MRPL21: variants seen among roughly 807,000 people sequenced by gnomAD.
The protein encoded by MRPL21 is large ribosomal subunit protein bL21m.
MRPL21 carries 20 observed loss-of-function variants against 27.3 expected under a neutral mutation model. That is an observed-to-expected ratio of 0.73 (90% CI 0.52 to 1.06). The LOEUF (loss-of-function observed/expected upper bound fraction) is 1.06. Among genes scored for constraint, MRPL21 ranks in the 50% least tolerant of loss-of-function variants. MRPL21 has a pLI of 0.00. For synonymous variants in MRPL21, 98 were observed against 101.5 expected, an observed-to-expected ratio of 0.97 and a Z score of 0.21; for missense variants, 249 against 251.4, an observed-to-expected ratio of 0.99 and a Z score of 0.06.
chr11:68,902,889 A>G (rs542964272), intron 1 of MRPL21, among the ~76,000 whole-genome samples: 1 of 152,006 alleles, frequency 6.6e-6, no homozygotes, highest in East Asian at 1.9e-4. Flanking sequence ...ATAGTGGGAA[A>G]CATACAAGAT....
Position 68,892,111 on chromosome 11 carries a change from C to T in MRPL21, c.554-716G>A, listed in dbSNP as rs148008898. On this transcript the variant is annotated intron_variant, in intron 6 of 6. Coordinates refer to ENST00000362034, the MANE Select transcript of MRPL21 (RefSeq NM_181514.2). Reference sequence around the variant, plus strand: ...ACGCGTGGAGGGTGGAGAAGGGGAGCGAGGTGGGTTCACGCGCGGAGGGTG... The same window carrying T: ...ACGCGTGGAGGGTGGAGAAGGGGAGTGAGGTGGGTTCACGCGCGGAGGGTG... 264 of 1,025,986 alleles carry T rather than the reference C, an allele frequency of 2.6e-4. 1 individual carries two copies. Among genetic ancestry groups the T allele is most frequent in the Non-Finnish European group, 2.9e-4 (247 of 857,636 alleles). 63.6% of individuals were successfully genotyped at this position (1,025,986 alleles called of 1,614,324 possible).
intron 1 of MRPL21, among the ~76,000 whole-genome samples, 185 bp from the exon 2 acceptor site, chr11:68,900,790 G>A (rs1022252851): frequency 2.0e-5 from 3 of 152,220 alleles, no homozygotes; most frequent in African/African-American, 7.2e-5. Flanking sequence ...CTGGTTATAT[G>A]TGTTGAGATC....
chr11:68,897,634 G>C, intron 3 of MRPL21: 1 of 470,594 alleles, frequency 2.1e-6, no homozygotes. Flanking sequence ...GCTAACTGGG[G>C]AGAGCTGTCG....
intron 2 of MRPL21, among the ~76,000 whole-genome samples, chr11:68,898,283 C>T (rs1857851764): frequency 6.6e-6 from 1 of 152,234 alleles, no homozygotes; most frequent in South Asian, 2.1e-4. Context: ...CTTCTCAGTG[C>T]TGGAAGGGTG....
intron 1 of MRPL21, among the ~76,000 whole-genome samples, chr11:68,902,583 C>T (rs1189727642): frequency 6.6e-6 from 1 of 152,226 alleles, no homozygotes; most frequent in Non-Finnish European, 1.5e-5. Flanking sequence ...GTGCCCACAG[C>T]TTCCTATCAA....
In MRPL21 at chr11:68,892,945, T is replaced by C. The variant is rs777896895; in HGVS notation, c.498A>G (p.Ser166=). 2 of 1,612,522 alleles carry C rather than the reference T, an allele frequency of 1.2e-6. No individual in the cohort carries two copies. The highest frequency in any genetic ancestry group is 1.7e-6 in the Non-Finnish European group (2 of 1,179,292). ...TGAATCTCATAATGATTCTTGGCCA[T>C]GATTCTGTCTTTTCAATGACTGTGG... is the stretch of plus-strand genomic sequence containing the variant. ...VEATVIEKTE[S]WPRIIMRFRK... Residue 166 remains serine, a synonymous_variant, in exon 6 of 7, where the codon TCA becomes TCG. Transcript: ENST00000362034.
chr11:68,903,613 A>G, intron 1 of MRPL21, 110 bp downstream of exon 1: 1 of 1,136,784 alleles, frequency 8.8e-7, no homozygotes, highest in Middle Eastern at 2.4e-4. Context: ...TTCACCACAA[A>G]TGCGATCAAC....
intron 3 of MRPL21, 88 bp downstream of exon 3, chr11:68,897,839 G>A (rs143387014): frequency 0.031 from 30,512 of 973,582 alleles, 698 homozygotes; most frequent in Middle Eastern, 0.05. Flanking sequence ...ATGAAGCCTC[G>A]TTCTGTGGCC....
rs113698409 is a variant in MRPL21, at chr11:68,892,762, G to A, written c.553+128C>T. On this transcript the variant is annotated intron_variant, in intron 6 of 6. Coordinates refer to ENST00000362034, the MANE Select transcript of MRPL21 (RefSeq NM_181514.2). The stretch of plus-strand genomic sequence containing the variant: ...CTAGGATGAGGGTGGCAAGTGGGCA[G>A]TGGCAGCCAGGTTGAGACCTGCCTG... 1.1e-4 allele frequency: 172 copies of A among 1,541,528 alleles called. 1 individual carries two copies. The African/African-American group carries it at 1.7e-3, about 15-fold the overall frequency.
intron 6 of MRPL21, chr11:68,892,018 G>A (rs1012363321): frequency 8.7e-7 from 1 of 1,148,754 alleles, no homozygotes; most frequent in Non-Finnish European, 1.2e-6. Flanking sequence ...ACAGTGCTAG[G>A]CGTCATGGGT....
rs1453501237 is a variant in MRPL21, at chr11:68,898,083, CCACA to C, written c.147-75_147-72del. 3 of 1,248,056 alleles carry C rather than the reference CCACA, an allele frequency of 2.4e-6. No individual in the cohort carries two copies. In the South Asian group the frequency reaches 3.7e-5, roughly 15 times the overall value. The allele number at this position is 1,248,056 out of a possible 1,614,324, so 77.3% of individuals were successfully genotyped here. A position where few individuals can be genotyped will look rare whatever the true frequency, so the allele number is the denominator to read the frequency against. ...GCAGCTCAAATCCTCTAAGAAATGG[CCACA>C]CACAAATGTTAGGAAGGGATCCCCG... On this transcript the variant is annotated intron_variant, in intron 2 of 6. Coordinates refer to ENST00000362034, the MANE Select transcript of MRPL21 (RefSeq NM_181514.2).
chr11:68,892,094 A>C, intron 6 of MRPL21: 1 of 1,225,374 alleles, frequency 8.2e-7, no homozygotes, highest in Non-Finnish European at 1.0e-6. Flanking sequence ...TCACGCGTGG[A>C]GGGTGGAGAA....
chr11:68,895,217 T>C (rs1162928043), intron 4 of MRPL21, among the ~76,000 whole-genome samples: 2 of 149,138 alleles, frequency 1.3e-5, no homozygotes, highest in East Asian at 2.0e-4. Context: ...TGAGCCGAGA[T>C]TGTGCCACTG....
intron 6 of MRPL21, chr11:68,892,138 A>G (rs1240784403): frequency 9.5e-7 from 1 of 1,049,140 alleles, no homozygotes; most frequent in East Asian, 4.7e-5. Flanking sequence ...CGGAGGGTGG[A>G]GGAGAAGGGG....
intron 2 of MRPL21, 119 bp downstream of exon 2, chr11:68,900,427 TAA>T: frequency 2.0e-6 from 2 of 1,013,294 alleles, no homozygotes; most frequent in South Asian, 1.5e-5. Flanking sequence ...CTCTGTCTCT[TAA>T]AAACAAAAGA....
At chr11:68,903,175 C>T (rs1858010929) in intron 1 of MRPL21, among the ~76,000 whole-genome samples, 1 of 152,164 alleles carries the variant, frequency 6.6e-6, no homozygotes, top group Non-Finnish European at 1.5e-5. Context: ...TTAAAACATA[C>T]ATAAACACTC....
intron 6 of MRPL21, 190 bp downstream of exon 6, chr11:68,892,700 A>G (rs1444346558): frequency 6.6e-7 from 1 of 1,525,942 alleles, no homozygotes; most frequent in South Asian, 1.2e-5. Flanking sequence ...AGCGTGGAGG[A>G]GAAGGGGAGC....
Position 68,897,964 on chromosome 11 carries a change from A to T in MRPL21, c.195T>A (p.Val65=), listed in dbSNP as rs1857840805. The T allele has an allele frequency of 6.2e-7, 1 of 1,614,080 alleles. No individual in the cohort carries two copies. Among genetic ancestry groups the T allele is most frequent in the South Asian group, 1.1e-5 (1 of 91,086 alleles). ...TGGTCTCCTCAACTGGGTCTGGCAG[A>T]ACAACTTCTGGCCAAGGTGGTGAAC... The part of the protein sequence containing the change: ...SLSSPPWPEV[V]LPDPVEETRH... The change falls in exon 3 of 7, where the codon GTT becomes GTA. Residue 65 remains valine, a synonymous_variant. Transcript: ENST00000362034.
At chr11:68,902,664 T>G (rs1269252183) in intron 1 of MRPL21, among the ~76,000 whole-genome samples, 4 of 152,198 alleles carry the variant, frequency 2.6e-5, no homozygotes, top group Non-Finnish European at 4.4e-5. Context: ...TTATCCAAAG[T>G]CCATAGTCTA....
Sources: gnomAD v4.1 joint callset for allele counts (sites outside exome capture counted in the v4.1 genomes callset) on GRCh38, gnomAD v4.1.1 for gene constraint, MANE v1.5 for transcripts, NCBI Gene and HGNC (gene_info 2026-07-23, HGNC 2026-07-21) for gene names.